The following MBD4 variants were observed in gnomAD, a reference collection of about 807,000 sequenced individuals.
The protein encoded by MBD4 is methyl-CpG-binding domain protein 4.
A neutral mutation model predicts 60.2 loss-of-function variants in MBD4; 53 were observed. That is an observed-to-expected ratio of 0.88 (90% CI 0.71 to 1.11). The LOEUF (loss-of-function observed/expected upper bound fraction) is 1.11. Ranked by LOEUF, MBD4 falls within the 50% of genes least tolerant of loss-of-function variation. The pLI is 0.00. For synonymous variants in MBD4, 231 were observed against 229.8 expected (o/e 1.01, Z -0.05); for missense variants, 619 against 674.0 (o/e 0.92, Z 0.90).
chr3:129,433,211 T>TA lies in MBD4; in HGVS notation c.1429_1430insT (p.Glu477ValfsTer7). The TA allele has an allele frequency of 1.2e-6, 2 of 1,614,222 alleles. No individual in the cohort carries two copies. The highest frequency in any genetic ancestry group is 2.2e-5 in the South Asian group (2 of 91,088). The stretch of plus-strand genomic sequence containing the variant: ...TGCTACCTCAGCTGAAGGATACTTC[T>TA]CCAGAAACTTCCAAAGCACAGGTAT... On this transcript the variant is annotated frameshift_variant, in exon 6 of 8. Transcript: ENST00000429544. LOFTEE classifies it high-confidence loss of function.
At chr3:129,434,260 T>C in intron 3 of MBD4, 124 bp from the exon 4 acceptor site, 1 of 770,758 alleles carries the variant, frequency 1.3e-6, no homozygotes. Context: ...GCCCTTTACA[T>C]AAATACCCAA....
chr3:129,439,762 C>T lies in MBD4; in HGVS notation c.72G>A (p.Glu24=). Residue 24 remains glutamate (E), a synonymous_variant, in exon 1 of 8, where the codon GAG becomes GAA. Transcript: ENST00000429544. ...CATTCGGCGGGTCTGGGACTAGGCG[C>T]TCACTAGAGGTGACGGTGGGGGCAG... ...RGAAPTVTSS[E]RLVPDPPNDL... is the part of the protein sequence containing the mutation. 1 of 1,604,722 alleles carries T rather than the reference C, an allele frequency of 6.2e-7. No homozygotes were observed.
At chr3:129,432,102 A>C in intron 7 of MBD4, 1 of 1,117,256 alleles carries the variant, frequency 9.0e-7, no homozygotes, top group Non-Finnish European at 1.1e-6. Context: ...GGACCCAGTC[A>C]CCACAAACGT....
chr3:129,439,584 G>T, intron 1 of MBD4, 146 bp downstream of exon 1: 1 of 696,194 alleles, frequency 1.4e-6, no homozygotes, highest in Non-Finnish European at 2.6e-6. Context: ...GAGCACCTGG[G>T]CTCCAGACCC....
chr3:129,436,623 C>A lies in MBD4; in HGVS notation c.1021G>T (p.Asp341Tyr), dbSNP rs2072466682. ...GIINKFCSAK[D>Y]SEHNEKYEDT... ...TCATACTTCTCGTTGTGTTCTGAGTCTTTGGCTGAACAAAATTTGTTTATG... is the reference window on the plus strand; with the variant it reads ...TCATACTTCTCGTTGTGTTCTGAGTATTTGGCTGAACAAAATTTGTTTATG... Residue 341 changes from aspartate (D) to tyrosine (Y), a missense_variant, in exon 3 of 8, where the codon GAC becomes TAC. Asp to Tyr is a radical substitution (Grantham distance 160). Transcript: ENST00000429544. 6.2e-7 allele frequency: 1 copy of A among 1,613,994 alleles called. No homozygotes were observed. The highest frequency in any genetic ancestry group is 1.7e-5 in the Admixed American group (1 of 60,006).
At chr3:129,432,388 A>G in intron 7 of MBD4, 115 bp downstream of exon 7, 2 of 1,593,354 alleles carry the variant, frequency 1.3e-6, no homozygotes, top group Non-Finnish European at 1.7e-6. Flanking sequence ...CCAGGAACAC[A>G]ATTGTTTGTG....
intron 1 of MBD4, among the ~76,000 whole-genome samples, chr3:129,439,349 ACT>A (rs1444288735): frequency 1.1e-4 from 16 of 152,236 alleles, no homozygotes; most frequent in African/African-American, 3.4e-4. Flanking sequence ...TCGGTAAAAG[ACT>A]CTGTAAAAAG....
chr3:129,432,544 T>C lies in MBD4; in HGVS notation c.1606A>G (p.Asn536Asp). ...IELHGIGKYGNDSYRIFCVNE... is the reference protein window; with the variant it reads ...IELHGIGKYGDDSYRIFCVNE... ...ACACAAAAAATTCGGTAAGAGTCGT[T>C]GCCATATTTACCAATCCCATGAAGC... The change falls in exon 7 of 8, where the codon AAC becomes GAC. Residue 536 changes from asparagine to aspartate, a missense_variant. Coordinates refer to ENST00000429544, the MANE Select transcript of MBD4 (RefSeq NM_001276270.2). 6.2e-7 allele frequency: 1 copy of C among 1,614,180 alleles called. No homozygotes were observed. The highest frequency in any genetic ancestry group is 1.3e-5 in the African/African-American group (1 of 75,058).
intron 1 of MBD4, 129 bp downstream of exon 1, chr3:129,439,601 C>T: frequency 1.3e-6 from 1 of 742,686 alleles, no homozygotes; most frequent in Non-Finnish European, 2.4e-6. Context: ...ACCCTAGTAA[C>T]TAAACCCGTG....
chr3:129,432,707 A>C, intron 6 of MBD4, 101 bp from the exon 7 acceptor site: 1 of 1,120,732 alleles, frequency 8.9e-7, no homozygotes, highest in South Asian at 1.2e-5. Flanking sequence ...AGAAAGGGAC[A>C]GGAAAGGCTC....
intron 7 of MBD4, 30 bp from the exon 8 acceptor site, chr3:129,431,608 G>C (rs1403221156): frequency 6.8e-7 from 1 of 1,469,846 alleles, no homozygotes; most frequent in Admixed American, 1.7e-5. Context: ...CAGAGGCAGA[G>C]ACCTTAATGT....
chr3:129,437,342 G>A (rs760307230), intron 2 of MBD4, 34 bp from the exon 3 acceptor site: 5 of 1,547,536 alleles, frequency 3.2e-6, no homozygotes, highest in East Asian at 4.5e-5. Context: ...CTTACTGCTA[G>A]TAAATAGAAG....
rs762252423 is a variant in MBD4, at chr3:129,434,156, A to G, written c.1184-20T>C. ...TATCTTCTGAAAAGGAAAAGTAAAC[A>G]CTTTATGGAGTCTATGGTTTAGCTT... On this transcript the variant is annotated intron_variant, in intron 3 of 7. Transcript: ENST00000429544. 3.3e-5 allele frequency: 52 copies of G among 1,588,544 alleles called. No individual in the cohort carries two copies. The highest frequency in any genetic ancestry group is 4.5e-5 in the Non-Finnish European group (52 of 1,157,056).
chr3:129,435,759 C>T (rs2072446045), intron 3 of MBD4, among the ~76,000 whole-genome samples: 1 of 152,104 alleles, frequency 6.6e-6, no homozygotes, highest in Non-Finnish European at 1.5e-5. Context: ...ATAACTAATA[C>T]AGGGCTGCTC....
chr3:129,435,964 C>T (rs891659671), intron 3 of MBD4, among the ~76,000 whole-genome samples: 1 of 152,158 alleles, frequency 6.6e-6, no homozygotes, highest in Non-Finnish European at 1.5e-5. Flanking sequence ...ATGATATATA[C>T]AAAATTAAAT....
chr3:129,438,559 C>G (rs1179961847), intron 1 of MBD4, among the ~76,000 whole-genome samples: 1 of 152,022 alleles, frequency 6.6e-6, no homozygotes, highest in Admixed American at 6.6e-5. Context: ...AGAACAGACA[C>G]GAGAACCCAA....
chr3:129,435,122 G>A (rs1355919147), intron 3 of MBD4, among the ~76,000 whole-genome samples: 1 of 152,070 alleles, frequency 6.6e-6, no homozygotes, highest in Non-Finnish European at 1.5e-5. Context: ...ATCCCAAAAT[G>A]ATACTGGGAT....
chr3:129,437,943 C>A lies in MBD4; in HGVS notation c.112G>T (p.Asp38Tyr). The A allele has an allele frequency of 6.3e-7, 1 of 1,596,512 alleles. No individual in the cohort carries two copies. The highest frequency in any genetic ancestry group is 8.6e-7 in the Non-Finnish European group (1 of 1,164,112). ...PDPPNDLRKE[D>Y]VAMELERVGE... ...ACTCTTTCCAATTCCATAGCAACAT[C>A]TTCTTTGCTGGAAAAACAAAGTCTA... Residue 38 changes from aspartate (D) to tyrosine (Y), a missense_variant, in exon 2 of 8, where the codon GAT (aspartate) becomes TAT (tyrosine). Transcript: ENST00000429544.
At chr3:129,432,262 G>A in intron 7 of MBD4, 1 of 1,454,794 alleles carries the variant, frequency 6.9e-7, no homozygotes, top group Non-Finnish European at 9.0e-7. Flanking sequence ...CAGGGCCAGA[G>A]GTGACAAACC....
Sources: allele counts gnomAD v4.1 joint callset (sites outside exome capture counted in the v4.1 genomes callset), GRCh38; gene constraint gnomAD v4.1.1; transcripts MANE v1.5; gene names NCBI Gene and HGNC (gene_info 2026-07-23, HGNC 2026-07-21).